THUMPD3: variants seen among roughly 807,000 people sequenced by gnomAD.
THUMPD3 encodes the protein tRNA (guanine(6)-N(2))-methyltransferase THUMP3.
In THUMPD3, 44 loss-of-function variants were observed where a neutral mutation model predicts 54.5. The observed-to-expected ratio is 0.81, with a 90% CI of 0.63 to 1.04. The LOEUF (loss-of-function observed/expected upper bound fraction) is 1.04. Ranked by LOEUF, THUMPD3 falls within the 50% of genes least tolerant of loss-of-function variation. The pLI, the probability that THUMPD3 is intolerant of heterozygous loss-of-function variation, is 0.00. For synonymous variants in THUMPD3, 196 were observed against 201.4 expected, an observed-to-expected ratio of 0.97 and a Z score of 0.23; for missense variants, 604 against 601.3, an observed-to-expected ratio of 1.00 and a Z score of -0.05.
At chr3:9,363,806 C>CTTTTTTTTTTTTT (rs56359034) in intron 1 of THUMPD3, 1 of 88,924 alleles carries the variant, frequency 1.1e-5, no homozygotes, top group Non-Finnish European at 2.2e-5. Context: ...TTAATTTTTT[C>CTTTTTTTTTTTTT]TTTTTTTTTT....
Position 9,365,204 on chromosome 3 carries a change from A to G in THUMPD3, c.136A>G (p.Thr46Ala), listed in dbSNP as rs145059166. The G allele has an allele frequency of 6.2e-7, 1 of 1,614,096 alleles. No individual in the cohort carries two copies. The highest frequency in any genetic ancestry group is 1.3e-5 in the African/African-American group (1 of 74,928). The change falls in exon 2 of 10, where the codon ACT (threonine) becomes GCT (alanine). Residue 46 changes from threonine to alanine, a missense_variant. Thr to Ala is a moderately conservative substitution (Grantham distance 58). Coordinates refer to ENST00000452837, the MANE Select transcript of THUMPD3 (RefSeq NM_001114092.2). ...LLVTIGATVP[T>A]GFEQTAADEV... Reference sequence around the variant, plus strand: ...AGTCACTATTGGAGCCACTGTACCTACTGGCTTTGAGCAAACAGCTGCAGA... The same window carrying G: ...AGTCACTATTGGAGCCACTGTACCTGCTGGCTTTGAGCAAACAGCTGCAGA...
chr3:9,368,748 G>A (rs1376970636), intron 3 of THUMPD3, among the ~76,000 whole-genome samples: 3 of 152,214 alleles, frequency 2.0e-5, no homozygotes, highest in Non-Finnish European at 2.9e-5. Flanking sequence ...GAGCAAACTT[G>A]TAAAGACTGA....
chr3:9,363,196 G>C (rs1390055534), intron 1 of THUMPD3, 69 bp downstream of exon 1: 1 of 152,264 alleles, frequency 6.6e-6, no homozygotes, highest in African/African-American at 2.4e-5. Context: ...AGAGAGGGGT[G>C]GCCTTCCTCT....
At chr3:9,363,806 C>CTTTTTAATTTTTT (rs2031163049) in intron 1 of THUMPD3, 1 of 88,924 alleles carries the variant, frequency 1.1e-5, no homozygotes. Context: ...TTAATTTTTT[C>CTTTTTAATTTTTT]TTTTTTTTTT....
Position 9,384,731 on chromosome 3 carries a change from A to G in THUMPD3, c.*43A>G, listed in dbSNP as rs778182435. On this transcript the variant is annotated 3_prime_UTR_variant, in exon 10 of 10. Transcript: ENST00000452837. Reference sequence around the variant, plus strand: ...TGTACTTCCCACCACTGGAAATGTTAGCATAAAAGAACTTGGAGAGGAAAA... The same window carrying G: ...TGTACTTCCCACCACTGGAAATGTTGGCATAAAAGAACTTGGAGAGGAAAA... 2 of 1,607,552 alleles carry G rather than the reference A, an allele frequency of 1.2e-6. No individual in the cohort carries two copies. The highest frequency in any genetic ancestry group is 8.5e-7 in the Non-Finnish European group (1 of 1,175,522).
At position 9,383,312 on chromosome 3, in the gene THUMPD3, G is replaced by A; in HGVS notation, c.1235+3G>A. 2.5e-6 allele frequency: 4 copies of A among 1,580,668 alleles called. No individual in the cohort carries two copies. Among genetic ancestry groups the A allele is most frequent in the Non-Finnish European group, 2.6e-6 (3 of 1,149,718 alleles). ...ACAGATTTGCCATTTGGAAAAAGGT[G>A]AGAAATACTAGTACCTGCTTGTCTT... On this transcript the variant is annotated splice_donor_region_variant and intron_variant, in intron 8 of 9. Coordinates refer to ENST00000452837, the MANE Select transcript of THUMPD3 (RefSeq NM_001114092.2).
chr3:9,383,180 C>G lies in THUMPD3; in HGVS notation c.1125-19C>G, dbSNP rs377650780. On this transcript the variant is annotated intron_variant, in intron 7 of 9. Transcript: ENST00000452837. The stretch of plus-strand genomic sequence containing the variant: ...TATGCTTCACAGTATGTTGAAGCAC[C>G]TTTCCTTTGTCCCCACAGCAAACCC... The G allele has an allele frequency of 2.5e-6, 4 of 1,581,034 alleles. No homozygotes were observed. In the African/African-American group the frequency reaches 5.4e-5, roughly 21 times the overall value.
intron 5 of THUMPD3, among the ~76,000 whole-genome samples, chr3:9,377,083 A>C (rs1207659381): frequency 6.6e-6 from 1 of 152,130 alleles, no homozygotes; most frequent in African/African-American, 2.4e-5. Flanking sequence ...AGGAATACTG[A>C]ATGTCTCATT....
intron 3 of THUMPD3, among the ~76,000 whole-genome samples, chr3:9,369,317 A>AAG (rs1390835064): frequency 6.6e-6 from 1 of 150,890 alleles, no homozygotes; most frequent in African/African-American, 2.4e-5. Flanking sequence ...CTCAAAAAAA[A>AAG]AAAAAAAAAA....
chr3:9,365,109 T>A lies in THUMPD3; in HGVS notation c.41T>A (p.Val14Glu). The A allele has an allele frequency of 6.2e-7, 1 of 1,614,234 alleles. No homozygotes were observed. Among genetic ancestry groups the A allele is most frequent in the South Asian group, 1.1e-5 (1 of 91,092 alleles). ...IEEATNQLLD[V>E]NLHENQKSVQ... is the part of the protein sequence containing the mutation. ...GAAGCCACTAACCAACTCCTAGATG[T>A]GAACCTTCATGAGAACCAGAAGTCT... Residue 14 changes from valine (V) to glutamate (E), a missense_variant, in exon 2 of 10, where the codon GTG becomes GAG. Coordinates refer to ENST00000452837, the MANE Select transcript of THUMPD3 (RefSeq NM_001114092.2).
intron 5 of THUMPD3, among the ~76,000 whole-genome samples, chr3:9,375,550 T>A (rs2032397688): frequency 6.6e-6 from 1 of 152,234 alleles, no homozygotes; most frequent in South Asian, 2.1e-4. Context: ...ACTTAAAGGA[T>A]TATTAGTGAG....
At chr3:9,378,734 T>C (rs150030630) in intron 6 of THUMPD3, among the ~76,000 whole-genome samples, 111 of 152,300 alleles carry the variant, frequency 7.3e-4, no homozygotes, top group Non-Finnish European at 1.4e-3. Context: ...AATCCAAGAC[T>C]GAAATCATAG....
intron 5 of THUMPD3, 49 bp from the exon 6 acceptor site, chr3:9,377,770 G>A (rs750478730): frequency 1.4e-6 from 2 of 1,448,714 alleles, no homozygotes; most frequent in Non-Finnish European, 9.7e-7. Flanking sequence ...CAGTATAGAA[G>A]CCTCAGCTTT....
Position 9,384,505 on chromosome 3 carries a change from T to C in THUMPD3, c.1360-19T>C. ...AGTAGATTGTCAACCTAATTGTTAT[T>C]TTTTTTGTGTGTACACAGGCGTTAT... On this transcript the variant is annotated intron_variant, in intron 9 of 9. Coordinates refer to ENST00000452837, the MANE Select transcript of THUMPD3 (RefSeq NM_001114092.2). The C allele has an allele frequency of 6.2e-7, 1 of 1,613,356 alleles. No individual in the cohort carries two copies. The highest frequency in any genetic ancestry group is 8.5e-7 in the Non-Finnish European group (1 of 1,179,640).
chr3:9,370,813 T>C (rs1396052381), intron 3 of THUMPD3, among the ~76,000 whole-genome samples: 31 of 152,200 alleles, frequency 2.0e-4, no homozygotes, highest in Admixed American at 2.0e-3. Flanking sequence ...AGCATTTACA[T>C]TGTATCAGGT....
intron 3 of THUMPD3, among the ~76,000 whole-genome samples, chr3:9,368,470 C>T (rs2031756415): frequency 6.7e-6 from 1 of 149,908 alleles, no homozygotes. Context: ...TCAAGCGATT[C>T]TCCTGCCTCA....
In THUMPD3 at chr3:9,365,248, TG is replaced by T. The variant is rs757202457; in HGVS notation, c.183del (p.Ser62HisfsTer27). 1 of 1,614,232 alleles carries T rather than the reference TG, an allele frequency of 6.2e-7. No homozygotes were observed. The highest frequency in any genetic ancestry group is 1.1e-5 in the South Asian group (1 of 91,088). ...CTGCAGATGAAGTCAGAGAGAAACT[TG>T]GGTCATCATGCAAAATCAGCAGAGA... is the stretch of plus-strand genomic sequence containing the variant. ...TAADEVREKLGSSCKISRDRG... is the reference protein window; with the variant it reads ...TAADEVREKLXSSCKISRDRG... On this transcript the variant is annotated frameshift_variant, in exon 2 of 10. Transcript: ENST00000452837. LOFTEE classifies it high-confidence loss of function.
At chr3:9,375,898 C>G (rs953356827) in intron 5 of THUMPD3, among the ~76,000 whole-genome samples, 3 of 152,186 alleles carry the variant, frequency 2.0e-5, no homozygotes, top group Non-Finnish European at 2.9e-5. Flanking sequence ...ATTATAATTA[C>G]TGCATTCATA....
intron 6 of THUMPD3, among the ~76,000 whole-genome samples, chr3:9,378,430 C>T (rs989153486): frequency 6.6e-6 from 1 of 152,188 alleles, no homozygotes; most frequent in African/African-American, 2.4e-5. Context: ...AATGGAAAGG[C>T]ATTTTCTAAA....
Sources: gnomAD v4.1 joint callset for allele counts (sites outside exome capture counted in the v4.1 genomes callset) on GRCh38, gnomAD v4.1.1 for gene constraint, MANE v1.5 for transcripts, NCBI Gene and HGNC (gene_info 2026-07-23, HGNC 2026-07-21) for gene names.